Variants in DNAH6 observed in about 807,000 individuals in gnomAD.
The protein encoded by DNAH6 is axonemal beta dynein heavy chain 6.
Under a neutral mutation model 491.4 loss-of-function variants are expected in DNAH6, and 340 were observed. The observed-to-expected ratio is 0.69, with a 90% CI of 0.63 to 0.76. DNAH6 has a LOEUF of 0.76. Ranked by LOEUF, DNAH6 falls within the 30% of genes least tolerant of loss-of-function variation. The pLI is 0.00. For missense variants in DNAH6, 4,443 were observed against 4,972.2 expected (o/e 0.89, Z 3.20); for synonymous variants, 1,603 against 1,686.1 (o/e 0.95, Z 1.21).
intron 47 of DNAH6, 113 bp downstream of exon 47, chr2:84,697,840 T>C (rs1695538708): frequency 8.7e-7 from 1 of 1,153,854 alleles, no homozygotes; most frequent in Non-Finnish European, 1.2e-6. Flanking sequence ...TTTTTCAATA[T>C]AATTGGTTTC....
the DNAH6 span, among the ~76,000 whole-genome samples, chr2:84,461,903 T>C: frequency 6.6e-6 from 1 of 152,140 alleles, no homozygotes; most frequent in Admixed American, 6.5e-5. Context: ...AAACTTGTCT[T>C]TGAATTCTCA....
In DNAH6 at chr2:84,762,835, C is replaced by T; in HGVS notation, c.10593C>T (p.Thr3531=). ...FIETPPVDLP[T]LYQDMSCNTP... ...AGACACCACCTGTGGACCTGCCTAC[C>T]CTGTATCAAGACATGTCATGCAACA... The change falls in exon 64 of 77, where the codon ACC becomes ACT. Residue 3531 remains threonine, a synonymous_variant. Coordinates refer to ENST00000389394, the MANE Select transcript of DNAH6 (RefSeq NM_001370.2). 6.4e-7 allele frequency: 1 copy of T among 1,551,012 alleles called. No individual in the cohort carries two copies.
At chr2:84,704,469 TAC>T in intron 51 of DNAH6, among the ~76,000 whole-genome samples, 167 bp downstream of exon 51, 1 of 152,360 alleles carries the variant, frequency 6.6e-6, no homozygotes, top group East Asian at 1.9e-4. Context: ...ATCTATTTTG[TAC>T]TAGATGGTGG....
At chr2:84,537,836 A>G (rs1332325568) in intron 4 of DNAH6, among the ~76,000 whole-genome samples, 1 of 152,068 alleles carries the variant, frequency 6.6e-6, no homozygotes, top group Admixed American at 6.6e-5. Context: ...GGCCATTGAA[A>G]TATAAACTTG....
At chr2:84,473,370 G>A in the DNAH6 span, among the ~76,000 whole-genome samples, 5 of 152,140 alleles carry the variant, frequency 3.3e-5, no homozygotes, top group South Asian at 2.1e-4. Flanking sequence ...CAGAGTGAAC[G>A]TTTTAGTCGT....
At chr2:84,717,931 C>G in intron 58 of DNAH6, among the ~76,000 whole-genome samples, 1 of 152,138 alleles carries the variant, frequency 6.6e-6, no homozygotes, top group African/African-American at 2.4e-5. Context: ...TTAAGCAGGT[C>G]TTCCTAAGAG....
intron 62 of DNAH6, among the ~76,000 whole-genome samples, chr2:84,744,087 A>T (rs1385319864): frequency 2.0e-5 from 3 of 152,182 alleles, no homozygotes; most frequent in Non-Finnish European, 4.4e-5. Flanking sequence ...ATAAATTATA[A>T]ATCTTGCAAA....
chr2:84,785,612 G>T lies in DNAH6; in HGVS notation c.10956G>T (p.Val3652=). 3 of 1,527,964 alleles carry T rather than the reference G, an allele frequency of 2.0e-6. No homozygotes were observed. In the South Asian group the frequency reaches 3.8e-5, roughly 19 times the overall value. 94.7% of individuals were successfully genotyped at this position (1,527,964 alleles called of 1,614,324 possible). A position where few individuals can be genotyped will look rare whatever the true frequency, so the allele number is the denominator to read the frequency against. Residue 3652 remains valine, a splice_region_variant and synonymous_variant, in exon 67 of 77, where the codon GTG becomes GTT. Coordinates refer to ENST00000389394, the MANE Select transcript of DNAH6 (RefSeq NM_001370.2). ...ACATATATTCTATCTAAATCCAGGT[G>T]ACCAATGAGCCTCCAAAAGGCTTAC... is the stretch of plus-strand genomic sequence containing the variant. ...PVTVLQNSVK[V]TNEPPKGLRA...
the DNAH6 span, among the ~76,000 whole-genome samples, chr2:84,475,226 A>G: frequency 8.5e-5 from 13 of 152,116 alleles, no homozygotes; most frequent in African/African-American, 3.1e-4. Flanking sequence ...AAGTAGGGAG[A>G]CAGGAATTGT....
rs991217745 is a variant in DNAH6, at chr2:84,541,938, G to T, written c.663-2295G>T. Among the ~76,000 whole-genome samples the T allele has an allele frequency of 2.6e-5, 4 of 152,172 alleles. 1 individual carries two copies. The highest frequency in any genetic ancestry group is 9.7e-5 in the African/African-American group (4 of 41,444). ...TAGATTCTTAATAAGCACCCCGGAT[G>T]ATTTTGATGCTGATGATCCAACCTT... On this transcript the variant is annotated intron_variant, in intron 4 of 76. Coordinates refer to ENST00000389394, the MANE Select transcript of DNAH6 (RefSeq NM_001370.2).
At chr2:84,654,308 A>C (rs181390638) in intron 34 of DNAH6, among the ~76,000 whole-genome samples, 122 of 152,288 alleles carry the variant, frequency 8.0e-4, no homozygotes, top group African/African-American at 2.5e-3. Context: ...CCTGTGTTCT[A>C]TTCATTCATC....
intron 68 of DNAH6, among the ~76,000 whole-genome samples, chr2:84,788,847 G>C (rs538440739): frequency 6.6e-6 from 1 of 152,288 alleles, no homozygotes; most frequent in African/African-American, 2.4e-5. Flanking sequence ...CTGTAAATAA[G>C]ACTGATTTTA....
chr2:84,556,424 C>T (rs1380643200), intron 10 of DNAH6, among the ~76,000 whole-genome samples: 1 of 152,214 alleles, frequency 6.6e-6, no homozygotes, highest in Admixed American at 6.5e-5. Flanking sequence ...TGCCTGCCCC[C>T]TTGGGCCCCA....
intron 4 of DNAH6, among the ~76,000 whole-genome samples, chr2:84,536,705 A>G (rs1199446420): frequency 1.3e-5 from 2 of 151,994 alleles, no homozygotes; most frequent in Admixed American, 6.6e-5. Flanking sequence ...CAATAAATAA[A>G]TCATCTTCTG....
intron 64 of DNAH6, among the ~76,000 whole-genome samples, chr2:84,764,550 G>A (rs1415964459): frequency 6.6e-6 from 1 of 152,164 alleles, no homozygotes; most frequent in African/African-American, 2.4e-5. Context: ...ATATATTAAA[G>A]TCGGAGGGCA....
chr2:84,464,789 C>A, the DNAH6 span, among the ~76,000 whole-genome samples: 1 of 152,194 alleles, frequency 6.6e-6, no homozygotes. Flanking sequence ...TCCTTTACTG[C>A]AAACTGTTTG....
intron 7 of DNAH6, 71 bp from the exon 8 acceptor site, chr2:84,548,216 CT>C: frequency 1.4e-6 from 2 of 1,439,190 alleles, no homozygotes; most frequent in Non-Finnish European, 1.9e-6. Context: ...TTTATCTTTT[CT>C]TTGAATCATA....
At chr2:84,469,181 T>C in the DNAH6 span, among the ~76,000 whole-genome samples, 3 of 152,194 alleles carry the variant, frequency 2.0e-5, no homozygotes, top group African/African-American at 4.8e-5. The surrounding 1 kb of genome is among the most constrained non-coding windows in gnomAD (Gnocchi z 4.0). Flanking sequence ...TTCAACCGTT[T>C]GCACAGAGAG....
chr2:84,732,485 A>G (rs766696662), intron 61 of DNAH6, among the ~76,000 whole-genome samples: 3 of 152,232 alleles, frequency 2.0e-5, no homozygotes, highest in Non-Finnish European at 4.4e-5. Flanking sequence ...ATGCTACAAC[A>G]TGGATGAACC....
Sources: gnomAD v4.1 joint callset for allele counts (sites outside exome capture counted in the v4.1 genomes callset) on GRCh38, gnomAD v4.1.1 for gene constraint, Gnocchi (gnomAD v3.1) non-coding constraint, MANE v1.5 for transcripts, NCBI Gene and HGNC (gene_info 2026-07-23, HGNC 2026-07-21) for gene names.